Variants in SSX2IP observed in about 807,000 individuals in gnomAD.
The protein encoded by SSX2IP is SSX family member 2 interacting protein, also known as afadin- and alpha-actinin-binding protein.
SSX2IP carries 55 observed loss-of-function variants against 84.9 expected under a neutral mutation model. That is an observed-to-expected ratio of 0.65 (90% CI 0.52 to 0.81). The LOEUF is 0.81. SSX2IP is among the 30% of genes least tolerant of loss of function. The pLI is 0.00. For missense variants in SSX2IP, 664 were observed against 705.2 expected (o/e 0.94, Z 0.66); for synonymous variants, 239 against 234.7 (o/e 1.02, Z -0.17).
At chr1:84,663,391 T>C (rs1359022615) in intron 6 of SSX2IP, among the ~76,000 whole-genome samples, 6 of 152,180 alleles carry the variant, frequency 3.9e-5, no homozygotes. Flanking sequence ...TTTTTAATTT[T>C]TTTCCTTCAT....
intron 1 of SSX2IP, among the ~76,000 whole-genome samples, chr1:84,687,233 A>G (rs1191116936): frequency 6.6e-6 from 1 of 152,234 alleles, no homozygotes; most frequent in African/African-American, 2.4e-5. Flanking sequence ...GACTCAAGAG[A>G]ATATGAGAAA....
rs1201547658 is a variant in SSX2IP at position 84,646,660 on chromosome 1, T to C, written c.*773A>G. On this transcript the variant is annotated 3_prime_UTR_variant, in exon 14 of 14. Coordinates refer to ENST00000342203, the MANE Select transcript of SSX2IP (RefSeq NM_001166293.2). ...TCAATAGTCCTTTTAAAAATTATAATATTCTACATATACAAAATAAAAATC... is the reference window on the plus strand; with the variant it reads ...TCAATAGTCCTTTTAAAAATTATAACATTCTACATATACAAAATAAAAATC... The C allele has an allele frequency of 1.3e-5, 2 of 152,576 alleles. No individual in the cohort carries two copies. The highest frequency in any genetic ancestry group is 4.8e-5 in the African/African-American group (2 of 41,454). The allele number at this position is 152,576 out of a possible 1,614,324, so 9.5% of individuals were successfully genotyped here.
In SSX2IP at chr1:84,669,737, T is replaced by C; in HGVS notation, c.370A>G (p.Asn124Asp). 1.9e-6 allele frequency: 3 copies of C among 1,613,810 alleles called. No homozygotes were observed. Among genetic ancestry groups the C allele is most frequent in the Non-Finnish European group, 2.5e-6 (3 of 1,179,772 alleles). ...TCCATATCACTTCCCAGCTTCAAAT[T>C]CTGTGTCTCCACATTTTCCTGAGCT... ...LLAQENVETQ[N>D]LKLGSDMDHL... The change falls in exon 4 of 14, where the codon AAT (asparagine) becomes GAT (aspartate). Residue 124 changes from asparagine (N) to aspartate (D), a missense_variant. Asn to Asp is a conservative substitution (Grantham distance 23). Coordinates refer to ENST00000342203, the MANE Select transcript of SSX2IP (RefSeq NM_001166293.2).
At chr1:84,670,373 G>C (rs1172625640) in intron 3 of SSX2IP, 1 of 225,954 alleles carries the variant, frequency 4.4e-6, no homozygotes, top group African/African-American at 2.3e-5. Flanking sequence ...CTGTGACATG[G>C]AGCAAGGCAC....
rs1031384573 is a variant in SSX2IP, at chr1:84,655,744, A to G, written c.1389+88T>C. On this transcript the variant is annotated intron_variant, in intron 11 of 13. Transcript: ENST00000342203. Reference sequence around the variant, plus strand: ...TAAATATTTTAGAAAATAAGTAAATAGCAAGAAAAAAAGGAGACCTTAGAA... The same window carrying G: ...TAAATATTTTAGAAAATAAGTAAATGGCAAGAAAAAAAGGAGACCTTAGAA... 1.7e-5 allele frequency: 25 copies of G among 1,475,566 alleles called. No individual in the cohort carries two copies. In the African/African-American group the frequency reaches 3.4e-4, roughly 20 times the overall value. 91.4% of individuals were successfully genotyped at this position (1,475,566 alleles called of 1,614,324 possible). A position where few individuals can be genotyped will look rare whatever the true frequency, so the allele number is the denominator to read the frequency against.
intron 11 of SSX2IP, among the ~76,000 whole-genome samples, chr1:84,653,728 CATAA>C (rs1249314892): frequency 3.3e-5 from 5 of 152,132 alleles, no homozygotes; most frequent in African/African-American, 1.2e-4. Context: ...GTCTTTCATT[CATAA>C]ATATTGATAC....
At chr1:84,665,011 G>A (rs1024732287) in intron 5 of SSX2IP, among the ~76,000 whole-genome samples, 24 of 152,148 alleles carry the variant, frequency 1.6e-4, no homozygotes, top group African/African-American at 4.8e-4. Context: ...AACAATTCTC[G>A]AGTAAGAGTA....
chr1:84,661,197 T>C (rs79546102), intron 8 of SSX2IP, among the ~76,000 whole-genome samples: 15,889 of 151,674 alleles, frequency 0.1, 978 homozygotes, highest in African/African-American at 0.16. Context: ...AATCCTCAAA[T>C]ACAGGTTTAA....
intron 9 of SSX2IP, 25 bp from the exon 10 acceptor site, chr1:84,656,509 A>G (rs1651148833): frequency 1.3e-6 from 2 of 1,597,886 alleles, no homozygotes; most frequent in Non-Finnish European, 1.7e-6. Context: ...GTAAGTTGAC[A>G]TAGGTCTTAT....
At chr1:84,667,056 C>A (rs1271656520) in intron 4 of SSX2IP, among the ~76,000 whole-genome samples, 3 of 151,898 alleles carry the variant, frequency 2.0e-5, no homozygotes, top group Non-Finnish European at 4.4e-5. Flanking sequence ...TTTTTGGCAA[C>A]CTTTTTTTTT....
intron 12 of SSX2IP, among the ~76,000 whole-genome samples, chr1:84,651,106 G>C (rs773987079): frequency 1.3e-5 from 2 of 152,162 alleles, no homozygotes; most frequent in Non-Finnish European, 2.9e-5. Flanking sequence ...GCTTAAGCCA[G>C]GAGTTTGAGA....
At chr1:84,680,648 T>G (rs981118758) in intron 1 of SSX2IP, among the ~76,000 whole-genome samples, 1 of 151,132 alleles carries the variant, frequency 6.6e-6, no homozygotes, top group Non-Finnish European at 1.5e-5. Flanking sequence ...TATTTAGTCC[T>G]CAGGAAAAAA....
At chr1:84,672,719 A>G (rs149092228) in intron 1 of SSX2IP, among the ~76,000 whole-genome samples, 5 of 152,314 alleles carry the variant, frequency 3.3e-5, no homozygotes, top group Admixed American at 2.0e-4. Context: ...AAATATTCAA[A>G]ATATAGTGTT....
Position 84,650,521 on chromosome 1 carries a change from TCAGAACCTGTTGTAAAACAAGTAAGA to T in SSX2IP, c.1505-20_1510del. 6.2e-7 allele frequency: 1 copy of T among 1,613,980 alleles called. No individual in the cohort carries two copies. Among genetic ancestry groups the T allele is most frequent in the Non-Finnish European group, 8.5e-7 (1 of 1,179,912 alleles). On this transcript the variant is annotated splice_acceptor_variant and splice_polypyrimidine_tract_variant and coding_sequence_variant and intron_variant, in exon 13 of 14. Coordinates refer to ENST00000342203, the MANE Select transcript of SSX2IP (RefSeq NM_001166293.2). LOFTEE classifies it high-confidence loss of function. ...CGAGTGCACTATAAGATTGTCCCAA[TCAGAACCTGTTGTAAAACAAGTAAGA>T]GAAAAAGGCAGTACATATGGTGAGG...
intron 8 of SSX2IP, among the ~76,000 whole-genome samples, chr1:84,660,965 G>C (rs1044669660): frequency 2.7e-5 from 4 of 150,468 alleles, no homozygotes; most frequent in Non-Finnish European, 4.4e-5. Flanking sequence ...TACTCAGGAG[G>C]TTGAGGCAGA....
In SSX2IP at chr1:84,647,494, C is replaced by A. The variant is rs373187286; in HGVS notation, c.1784G>T (p.Cys595Phe). ...VASRPGSQEG[C>F]YSGCSLSYTN... ...GTAGCTCAAGGAGCATCCACTATAG[C>A]AACCTTCCTGTGATCCAGGTCTTGA... The change falls in exon 14 of 14, where the codon TGC (cysteine) becomes TTC (phenylalanine). Residue 595 changes from cysteine to phenylalanine, a missense_variant. Physicochemically the swap from Cys to Phe is radical, Grantham distance 205. Coordinates refer to ENST00000342203, the MANE Select transcript of SSX2IP (RefSeq NM_001166293.2). The A allele has an allele frequency of 1.9e-6, 3 of 1,613,106 alleles. No homozygotes were observed. The East Asian group carries it at 6.7e-5, about 36-fold the overall frequency.
At position 84,690,356 on chromosome 1, in the gene SSX2IP, G is replaced by C. The variant is rs2102681835; in HGVS notation, c.-90+15C>G. 6.7e-6 allele frequency: 1 copy of C among 149,530 alleles called. No individual in the cohort carries two copies. The highest frequency in any genetic ancestry group is 2.1e-4 in the South Asian group (1 of 4,734). The allele number at this position is 149,530 out of a possible 1,614,324, so 9.3% of individuals were successfully genotyped here. A position where few individuals can be genotyped will look rare whatever the true frequency, so the allele number is the denominator to read the frequency against. ...GGGCGCGTCACAATCCCCGACGCGAGGCGCTGCTGCTCACCGTCACGGCCC... is the reference window on the plus strand; with the variant it reads ...GGGCGCGTCACAATCCCCGACGCGACGCGCTGCTGCTCACCGTCACGGCCC... On this transcript the variant is annotated intron_variant, in intron 1 of 13. Coordinates refer to ENST00000342203, the MANE Select transcript of SSX2IP (RefSeq NM_001166293.2).
chr1:84,647,669 C>T (rs1649642662), intron 13 of SSX2IP, 62 bp from the exon 14 acceptor site: 2 of 1,170,216 alleles, frequency 1.7e-6, no homozygotes, highest in Non-Finnish European at 2.3e-6. Context: ...ACTTTAACCT[C>T]ATAATGTGGC....
chr1:84,649,927 A>G (rs1189779143), intron 13 of SSX2IP: 2 of 540,700 alleles, frequency 3.7e-6, no homozygotes, highest in Non-Finnish European at 7.3e-6. Context: ...CAACAGGAAC[A>G]GGCTTTTCTC....
Sources: gnomAD v4.1 joint callset for allele counts (sites outside exome capture counted in the v4.1 genomes callset) on GRCh38, gnomAD v4.1.1 for gene constraint, MANE v1.5 for transcripts, NCBI Gene and HGNC (gene_info 2026-07-23, HGNC 2026-07-21) for gene names.